MSRA: variants seen among roughly 807,000 people sequenced by gnomAD.
MSRA encodes the protein mitochondrial peptide methionine sulfoxide reductase.
MSRA carries 54 observed loss-of-function variants against 31.3 expected under a neutral mutation model. That is an observed-to-expected ratio of 1.73 (90% CI 1.39 to 2.17). The LOEUF is 2.17. Ranked by LOEUF, MSRA falls within the 30% of genes most tolerant of loss-of-function variation. The pLI is 0.00. For synonymous variants in MSRA, 169 were observed against 116.5 expected (o/e 1.45, Z -2.90); for missense variants, 507 against 300.9 (o/e 1.69, Z -5.07).
intron 2 of MSRA, among the ~76,000 whole-genome samples, chr8:10,218,196 G>C (rs1252461255): frequency 6.6e-6 from 1 of 151,464 alleles, no homozygotes; most frequent in African/African-American, 2.4e-5. Context: ...GCCGAGGCTG[G>C]AGTGTAGTGG....
At chr8:10,290,501 C>T (rs185454455) in intron 3 of MSRA, among the ~76,000 whole-genome samples, 1 of 152,268 alleles carries the variant, frequency 6.6e-6, no homozygotes, top group South Asian at 2.1e-4. Context: ...ATCAGATGCC[C>T]AAGTTCGTGG....
At chr8:10,153,953 T>A (rs941743684) in intron 1 of MSRA, among the ~76,000 whole-genome samples, 12 of 152,218 alleles carry the variant, frequency 7.9e-5, no homozygotes, top group African/African-American at 2.9e-4. Context: ...AATGGTGTAT[T>A]TGACAAAATT....
At chr8:10,075,063 C>G (rs1436220680) in intron 1 of MSRA, among the ~76,000 whole-genome samples, 1 of 152,200 alleles carries the variant, frequency 6.6e-6, no homozygotes, top group Non-Finnish European at 1.5e-5. Context: ...TTCTTTACTA[C>G]TCATTTGGTA....
chr8:10,403,597 A>G (rs1167716468), intron 5 of MSRA, among the ~76,000 whole-genome samples: 1 of 152,206 alleles, frequency 6.6e-6, no homozygotes, highest in Non-Finnish European at 1.5e-5. Context: ...CGTGGGGAAA[A>G]GCATTCCCCA....
chr8:10,103,934 G>A (rs920497463), intron 1 of MSRA, among the ~76,000 whole-genome samples: 5 of 151,646 alleles, frequency 3.3e-5, no homozygotes, highest in Admixed American at 1.3e-4. Flanking sequence ...CATTTTTCTG[G>A]AATTACAGCG....
chr8:10,245,296 C>A (rs1053335566), intron 3 of MSRA, 73 bp downstream of exon 3: 1 of 1,376,748 alleles, frequency 7.3e-7, no homozygotes, highest in African/African-American at 1.5e-5. Context: ...GGGTGACAGG[C>A]TCTTTAAAAT....
At chr8:10,078,372 G>T (rs1585100124) in intron 1 of MSRA, among the ~76,000 whole-genome samples, 1 of 152,214 alleles carries the variant, frequency 6.6e-6, no homozygotes. Context: ...TCACATTCAT[G>T]CGTGGAGCTC....
intron 1 of MSRA, among the ~76,000 whole-genome samples, chr8:10,062,979 T>C (rs62488690): frequency 0.11 from 16,233 of 152,178 alleles, 1,072 homozygotes; most frequent in East Asian, 0.25. Flanking sequence ...GGCTTTGCTT[T>C]CTTCTCTCAC....
chr8:10,057,270 A>AT (rs1802428767), intron 1 of MSRA, among the ~76,000 whole-genome samples: 1 of 152,136 alleles, frequency 6.6e-6, no homozygotes, highest in African/African-American at 2.4e-5. Flanking sequence ...GCACACGGCA[A>AT]TGTGTCTTGC....
chr8:10,398,676 C>T (rs762967783), intron 5 of MSRA, among the ~76,000 whole-genome samples: 21 of 152,228 alleles, frequency 1.4e-4, no homozygotes, highest in Non-Finnish European at 2.4e-4. Context: ...CTGATCTTTC[C>T]GCTCTCCTTC....
chr8:10,133,478 G>C (rs757174343), intron 1 of MSRA, among the ~76,000 whole-genome samples: 2 of 152,148 alleles, frequency 1.3e-5, no homozygotes, highest in African/African-American at 2.4e-5. Flanking sequence ...TCTCTCCTCT[G>C]TGCACATCCA....
At chr8:10,388,586 C>G (rs968851696) in intron 5 of MSRA, among the ~76,000 whole-genome samples, 4 of 152,154 alleles carry the variant, frequency 2.6e-5, no homozygotes, top group African/African-American at 9.7e-5. Context: ...TTTTCTGATG[C>G]TAAACCTGAA....
intron 1 of MSRA, among the ~76,000 whole-genome samples, chr8:10,196,240 T>G (rs903131459): frequency 2.0e-5 from 3 of 152,216 alleles, no homozygotes; most frequent in African/African-American, 7.2e-5. Flanking sequence ...TAGAAACGTG[T>G]GCCACCTTCT....
intron 1 of MSRA, among the ~76,000 whole-genome samples, chr8:10,128,512 C>T (rs973308760): frequency 3.3e-5 from 5 of 152,100 alleles, no homozygotes; most frequent in African/African-American, 1.2e-4. Flanking sequence ...AATTCTGTGA[C>T]TCCTATTAAT....
intron 1 of MSRA, among the ~76,000 whole-genome samples, chr8:10,198,394 T>G (rs1415790259): frequency 6.6e-6 from 1 of 152,140 alleles, no homozygotes; most frequent in Non-Finnish European, 1.5e-5. Flanking sequence ...AGGAAAAAAG[T>G]ACTCATGGTC....
At chr8:10,239,326 T>G (rs1812209327) in intron 2 of MSRA, among the ~76,000 whole-genome samples, 1 of 152,180 alleles carries the variant, frequency 6.6e-6, no homozygotes, top group Non-Finnish European at 1.5e-5. Flanking sequence ...CATGCCCAGC[T>G]AATTTTTGTG....
At chr8:10,054,751 G>A in intron 1 of MSRA, 93 bp downstream of exon 1, 2 of 1,308,940 alleles carry the variant, frequency 1.5e-6, no homozygotes, top group Non-Finnish European at 2.0e-6. Flanking sequence ...GAAGGAAGCC[G>A]TGGGCTGGCC....
intron 1 of MSRA, among the ~76,000 whole-genome samples, chr8:10,161,909 C>T (rs1804690173): frequency 6.6e-6 from 1 of 152,168 alleles, no homozygotes; most frequent in South Asian, 2.1e-4. Context: ...TGGGAATACA[C>T]CACTTGTTTT....
chr8:10,173,362 C>T (rs553263925), intron 1 of MSRA, among the ~76,000 whole-genome samples: 6 of 152,342 alleles, frequency 3.9e-5, no homozygotes, highest in Non-Finnish European at 8.8e-5. Context: ...GGTGAAGAAT[C>T]TGGGGGTGAA....
Sources: allele counts gnomAD v4.1 joint callset (sites outside exome capture counted in the v4.1 genomes callset), GRCh38; gene constraint gnomAD v4.1.1; transcripts MANE v1.5; gene names NCBI Gene and HGNC (gene_info 2026-07-23, HGNC 2026-07-21).